The following CTBP2 variants were observed in gnomAD, a reference collection of about 807,000 sequenced individuals.
CTBP2 encodes C-terminal binding protein 2, also known as C-terminal-binding protein 2.
CTBP2 carries 30 observed loss-of-function variants against 80.3 expected under a neutral mutation model. That is an observed-to-expected ratio of 0.37 (90% CI 0.28 to 0.51). The LOEUF (loss-of-function observed/expected upper bound fraction) is 0.51, where lower values mean the gene tolerates loss of function less well. Ranked by LOEUF, CTBP2 falls within the 20% of genes least tolerant of loss-of-function variation. CTBP2 has a pLI of 0.93. For missense variants in CTBP2, 1,212 were observed against 1,375.3 expected, an observed-to-expected ratio of 0.88 and a Z score of 1.88; for synonymous variants, 594 against 587.4, an observed-to-expected ratio of 1.01 and a Z score of -0.16.
intron 2 of CTBP2, among the ~76,000 whole-genome samples, chr10:125,099,483 C>T (rs997438687): frequency 6.6e-6 from 1 of 152,180 alleles, no homozygotes; most frequent in Non-Finnish European, 1.5e-5. Context: ...AGCCCTCCCC[C>T]CAAGTTCACT....
intron 8 of CTBP2, among the ~76,000 whole-genome samples, chr10:124,991,635 T>C (rs1176029937): frequency 6.6e-6 from 1 of 151,992 alleles, no homozygotes; most frequent in Non-Finnish European, 1.5e-5. Context: ...TTCTCAATCA[T>C]CATGAGTGGG....
intron 2 of CTBP2, among the ~76,000 whole-genome samples, chr10:125,085,836 C>A (rs1268573632): frequency 1.3e-5 from 2 of 152,212 alleles, no homozygotes; most frequent in Non-Finnish European, 2.9e-5. Flanking sequence ...AGGATTCTCA[C>A]TGGAAACTGA....
chr10:125,003,282 T>C (rs148437170), intron 2 of CTBP2, 56 bp downstream of exon 4: 5 of 1,592,734 alleles, frequency 3.1e-6, no homozygotes, highest in Admixed American at 1.9e-5. Context: ...GGGGGGATGC[T>C]GGGGAGGAAA....
In CTBP2 at chr10:125,102,258, C is replaced by T. The variant is rs1411188580; in HGVS notation, c.-102+8732G>A. 4.6e-5 allele frequency among the ~76,000 whole-genome samples: 7 copies of T among 152,218 alleles called. No homozygotes were observed. In the East Asian group the frequency reaches 9.6e-4, roughly 21 times the overall value. ...TTTTGGCCATACCATGAGGACTCTG[C>T]CCTCCTGCCATCACCAAGGCCAGGA... On this transcript the variant is annotated intron_variant, in intron 2 of 10. Transcript: ENST00000337195.
intron 1 of CTBP2, among the ~76,000 whole-genome samples, chr10:125,025,473 TGA>T (rs1357469806): frequency 6.6e-6 from 1 of 152,236 alleles, no homozygotes; most frequent in African/African-American, 2.4e-5. Flanking sequence ...TTTTCTGATA[TGA>T]GAGACTAAAT....
chr10:125,120,936 AC>A (rs1854222082), intron 1 of CTBP2, among the ~76,000 whole-genome samples: 1 of 152,170 alleles, frequency 6.6e-6, no homozygotes, highest in Non-Finnish European at 1.5e-5. Flanking sequence ...CGGTTCCTTG[AC>A]CCTGACTCTC....
At chr10:125,001,847 A>G (rs1565050493) in intron 3 of CTBP2, among the ~76,000 whole-genome samples, 1 of 151,942 alleles carries the variant, frequency 6.6e-6, no homozygotes, top group South Asian at 2.1e-4. Flanking sequence ...TGACCCATAC[A>G]CTCCATGCCC....
chr10:125,150,723 C>T (rs9423017), intron 1 of CTBP2, among the ~76,000 whole-genome samples: 110,796 of 149,916 alleles, frequency 0.74, 41,863 homozygotes, highest in African/African-American at 0.87. Flanking sequence ...GGCCTTTTCC[C>T]GGACATAGTG....
chr10:125,106,093 T>G (rs1218599604), intron 2 of CTBP2, among the ~76,000 whole-genome samples: 1 of 152,206 alleles, frequency 6.6e-6, no homozygotes. Context: ...CTCAGTTCAG[T>G]GGCCAGGCCT....
chr10:125,125,533 A>G (rs1248184250), intron 1 of CTBP2, among the ~76,000 whole-genome samples: 1 of 152,188 alleles, frequency 6.6e-6, no homozygotes, highest in Non-Finnish European at 1.5e-5. Flanking sequence ...CTGGAACTTA[A>G]GTCAATTGAA....
chr10:125,142,859 T>G (rs1858067757), intron 1 of CTBP2, among the ~76,000 whole-genome samples: 1 of 152,158 alleles, frequency 6.6e-6, no homozygotes, highest in Non-Finnish European at 1.5e-5. Flanking sequence ...GAGATGCAGC[T>G]CCGCTTCAGA....
intron 2 of CTBP2, among the ~76,000 whole-genome samples, chr10:125,074,050 A>T (rs970247296): frequency 6.6e-6 from 1 of 152,182 alleles, no homozygotes; most frequent in African/African-American, 2.4e-5. Context: ...TTTAGGCTTA[A>T]CAATTATTTG....
intron 1 of CTBP2, among the ~76,000 whole-genome samples, chr10:125,130,418 C>G (rs909731162): frequency 2.6e-5 from 4 of 152,130 alleles, no homozygotes; most frequent in African/African-American, 7.2e-5. Context: ...GCCACGGTTC[C>G]CCAAGAGCAA....
At chr10:125,051,992 T>C (rs1055765299) in intron 2 of CTBP2, among the ~76,000 whole-genome samples, 8 of 152,200 alleles carry the variant, frequency 5.3e-5, no homozygotes, top group African/African-American at 1.9e-4. Context: ...TGCGGATGCC[T>C]TATCTCAGAC....
intron 2 of CTBP2, among the ~76,000 whole-genome samples, chr10:125,040,909 A>G (rs1372395369): frequency 2.0e-5 from 3 of 152,248 alleles, no homozygotes; most frequent in African/African-American, 4.8e-5. Context: ...AATCACATAA[A>G]TAATTAATGT....
At chr10:125,116,978 C>T (rs1437268052) in intron 1 of CTBP2, among the ~76,000 whole-genome samples, 1 of 152,206 alleles carries the variant, frequency 6.6e-6, no homozygotes, top group African/African-American at 2.4e-5. Context: ...CCATGGGTTC[C>T]CTGAAGGACC....
chr10:125,029,811 T>C (rs1168611170), upstream of CTBP2, among the ~76,000 whole-genome samples: 1 of 152,212 alleles, frequency 6.6e-6, no homozygotes, highest in African/African-American at 2.4e-5. Flanking sequence ...AGTTCTCAAA[T>C]GTAAACAGGG....
chr10:125,002,965 T>G lies in CTBP2; in HGVS notation c.1973A>C (p.Glu658Ala). 1 of 1,612,670 alleles carries G rather than the reference T, an allele frequency of 6.2e-7. No individual in the cohort carries two copies. The highest frequency in any genetic ancestry group is 1.1e-5 in the South Asian group (1 of 91,034). The change falls in exon 3 of 9, where the codon GAG (glutamate) becomes GCG (alanine). Residue 658 changes from glutamate to alanine, a missense_variant. Coordinates refer to ENST00000309035, the MANE Select transcript of CTBP2 (RefSeq NM_022802.3). Reference sequence around the variant, plus strand: ...CAGCGCTGCCTCGCACTCACCGAGCTCGCCGGCAGCCTTGATGTCCACGTT... The same window carrying G: ...CAGCGCTGCCTCGCACTCACCGAGCGCGCCGGCAGCCTTGATGTCCACGTT...
intron 3 of CTBP2, among the ~76,000 whole-genome samples, chr10:125,002,017 A>G (rs1954587206): frequency 6.6e-6 from 1 of 152,178 alleles, no homozygotes; most frequent in African/African-American, 2.4e-5. Context: ...ACCGGGGCCC[A>G]CTGGGGCCTT....
Sources: allele counts gnomAD v4.1 joint callset (sites outside exome capture counted in the v4.1 genomes callset), GRCh38; gene constraint gnomAD v4.1.1; transcripts MANE v1.5; gene names NCBI Gene and HGNC (gene_info 2026-07-23, HGNC 2026-07-21).